SLC1A4: variants seen among roughly 807,000 people sequenced by gnomAD.
SLC1A4 encodes solute carrier family 1 member 4, also known as neutral amino acid transporter A.
Under a neutral mutation model 37.7 loss-of-function variants are expected in SLC1A4, and 19 were observed. That is an observed-to-expected ratio of 0.50 (90% CI 0.35 to 0.74). SLC1A4 has a LOEUF of 0.74. Among genes scored for constraint, SLC1A4 ranks in the 30% least tolerant of loss-of-function variants. The pLI is 0.01. For missense variants in SLC1A4, 570 were observed against 712.9 expected (o/e 0.80, Z 2.28); for synonymous variants, 299 against 309.8 (o/e 0.97, Z 0.37).
intron 4 of SLC1A4, among the ~76,000 whole-genome samples, chr2:65,012,290 C>T (rs1335557640): frequency 6.6e-6 from 1 of 151,788 alleles, no homozygotes; most frequent in Non-Finnish European, 1.5e-5. Flanking sequence ...AGGGTTTCAC[C>T]GTGTTAGCCA....
intron 4 of SLC1A4, 108 bp downstream of exon 4, chr2:65,010,871 G>A (rs1673892567): frequency 1.8e-6 from 2 of 1,116,008 alleles, no homozygotes; most frequent in East Asian, 2.4e-5. Flanking sequence ...GCACAATGCT[G>A]TGTATGTGGT....
Position 64,989,613 on chromosome 2 carries a change from C to T in SLC1A4, c.-31C>T, listed in dbSNP as rs764175712. 6.9e-7 allele frequency: 1 copy of T among 1,454,862 alleles called. No individual in the cohort carries two copies. Among genetic ancestry groups the T allele is most frequent in the African/African-American group, 1.5e-5 (1 of 67,248 alleles). The allele number at this position is 1,454,862 out of a possible 1,614,324, so 90.1% of individuals were successfully genotyped here. ...CTTTTGCCAGAGCCCACGTCCCCTGCCACCTCTAGCTCGGAGCGGCGTGTA... is the reference window on the plus strand; with the variant it reads ...CTTTTGCCAGAGCCCACGTCCCCTGTCACCTCTAGCTCGGAGCGGCGTGTA... On this transcript the variant is annotated 5_prime_UTR_variant, in exon 1 of 8. Transcript: ENST00000234256.
upstream of SLC1A4, among the ~76,000 whole-genome samples, chr2:64,988,850 G>A (rs1028819982): frequency 2.0e-4 from 30 of 149,844 alleles, no homozygotes; most frequent in African/African-American, 4.9e-5. Context: ...GGAGAGGCCG[G>A]CGAGCTCTGG....
At chr2:65,001,585 T>C in intron 2 of SLC1A4, 95 bp downstream of exon 2, 1 of 1,157,304 alleles carries the variant, frequency 8.6e-7, no homozygotes, top group South Asian at 1.4e-5. Context: ...CAGGGAGAGA[T>C]GGTGGTGTTA....
intron 2 of SLC1A4, among the ~76,000 whole-genome samples, chr2:65,002,819 G>A (rs199714133): frequency 1.3e-5 from 2 of 151,694 alleles, no homozygotes; most frequent in Non-Finnish European, 2.9e-5. Context: ...CTTGTGATCC[G>A]CCCGCCTCGG....
In SLC1A4 at chr2:65,018,396, G is replaced by A. The variant is rs1674253732; in HGVS notation, c.1229+131G>A. On this transcript the variant is annotated intron_variant, in intron 6 of 7. Coordinates refer to ENST00000234256, the MANE Select transcript of SLC1A4 (RefSeq NM_003038.5). The surrounding 1 kb of genome is among the most constrained non-coding windows in gnomAD (Gnocchi z 4.3). ...ACAGTGGGGATTCATTACTTGAAGA[G>A]CGTGTGTTGACTCTCAAGGGCGTAG... 7.3e-7 allele frequency: 1 copy of A among 1,375,946 alleles called. No homozygotes were observed. The highest frequency in any genetic ancestry group is 9.9e-7 in the Non-Finnish European group (1 of 1,007,690). 85.2% of individuals were successfully genotyped at this position (1,375,946 alleles called of 1,614,324 possible).
intron 2 of SLC1A4, 55 bp downstream of exon 2, chr2:65,001,545 A>T (rs1483526588): frequency 1.3e-6 from 2 of 1,495,848 alleles, no homozygotes; most frequent in African/African-American, 2.8e-5. Flanking sequence ...AAATGTACCA[A>T]TTACTGCTAT....
At chr2:65,004,304 G>A (rs1404920522) in intron 3 of SLC1A4, among the ~76,000 whole-genome samples, 1 of 152,144 alleles carries the variant, frequency 6.6e-6, no homozygotes, top group East Asian at 1.9e-4. Flanking sequence ...CCAGGCTGGA[G>A]TGCAGTGGTG....
intron 3 of SLC1A4, among the ~76,000 whole-genome samples, chr2:65,004,634 A>G (rs990778948): frequency 2.0e-5 from 3 of 152,058 alleles, no homozygotes; most frequent in Non-Finnish European, 2.9e-5. Context: ...AATGTAATTA[A>G]TAAGTGATTT....
Position 65,010,733 on chromosome 2 carries a change from C to A in SLC1A4, c.770C>A (p.Ala257Glu). ...CGTTTCTTCAATTCCCTCAACGAGG[C>A]GACGATGGTGCTGGTGTCCTGGATT... ...LIRFFNSLNE[A>E]TMVLVSWIMW... The change falls in exon 4 of 8, where the codon GCG becomes GAG. Residue 257 changes from alanine (A) to glutamate (E), a missense_variant. Physicochemically the swap from Ala to Glu is moderately radical, Grantham distance 107. Coordinates refer to ENST00000234256, the MANE Select transcript of SLC1A4 (RefSeq NM_003038.5). 6.2e-7 allele frequency: 1 copy of A among 1,613,850 alleles called. No homozygotes were observed. Among genetic ancestry groups the A allele is most frequent in the Non-Finnish European group, 8.5e-7 (1 of 1,179,882 alleles).
chr2:65,011,141 A>T (rs1158640108), intron 4 of SLC1A4, among the ~76,000 whole-genome samples: 3 of 152,164 alleles, frequency 2.0e-5, no homozygotes, highest in African/African-American at 7.2e-5. Context: ...AATAAGGTTC[A>T]TTTATCTGAA....
chr2:65,007,890 A>C (rs934398016), intron 3 of SLC1A4, among the ~76,000 whole-genome samples: 4 of 152,236 alleles, frequency 2.6e-5, no homozygotes, highest in Non-Finnish European at 5.9e-5. Flanking sequence ...TGTAAAATAT[A>C]GTCACCCTAC....
At position 64,989,704 on chromosome 2, in the gene SLC1A4, G is replaced by A. The variant is rs563360187; in HGVS notation, c.61G>A (p.Gly21Arg). 30 of 1,527,058 alleles carry A rather than the reference G, an allele frequency of 2.0e-5. No individual in the cohort carries two copies. In the South Asian group the frequency reaches 3.4e-4, roughly 17 times the overall value. The allele number at this position is 1,527,058 out of a possible 1,614,324, so 94.6% of individuals were successfully genotyped here. A position where few individuals can be genotyped will look rare whatever the true frequency, so the allele number is the denominator to read the frequency against. Residue 21 changes from glycine to arginine, a missense_variant, in exon 1 of 8, where the codon GGG becomes AGG. Physicochemically the swap from Gly to Arg is moderately radical, Grantham distance 125. Coordinates refer to ENST00000234256, the MANE Select transcript of SLC1A4 (RefSeq NM_003038.5). ...CAGCGCTCAGGCGGGGCCTGCGGCC[G>A]GGCCCGGAGCTCCGGGGACCGCGGC... ...LDSAQAGPAAGPGAPGTAAGR... is the reference protein window; with the variant it reads ...LDSAQAGPAARPGAPGTAAGR...
At chr2:64,999,319 A>T (rs1373115877) in intron 1 of SLC1A4, 3 of 152,178 alleles carry the variant, frequency 2.0e-5, no homozygotes, top group Non-Finnish European at 1.5e-5. Context: ...AATATGCTAA[A>T]AGCAACTCAG....
rs7589132 is a variant in SLC1A4, at chr2:65,020,960, A to G, written c.1413A>G (p.Ala471=). The G allele has an allele frequency of 6.2e-7, 1 of 1,614,096 alleles. No individual in the cohort carries two copies. The highest frequency in any genetic ancestry group is 1.3e-5 in the African/African-American group (1 of 74,936). The change falls in exon 8 of 8, where the codon GCA becomes GCG. Residue 471 remains alanine (A), a synonymous_variant. Transcript: ENST00000234256. ...VVNVEGDALG[A]GILHHLNQKA... is the part of the protein sequence containing the mutation. ...ATGTGGAAGGGGATGCCCTGGGTGC[A>G]GGCATTCTCCACCACCTGAATCAGA...
intron 3 of SLC1A4, among the ~76,000 whole-genome samples, chr2:65,004,745 A>C (rs1332284826): frequency 6.6e-6 from 1 of 152,192 alleles, no homozygotes; most frequent in Non-Finnish European, 1.5e-5. Flanking sequence ...GTAAATATAC[A>C]ACTCTACTAG....
At chr2:65,015,023 C>T (rs985371707) in intron 4 of SLC1A4, among the ~76,000 whole-genome samples, 1 of 152,214 alleles carries the variant, frequency 6.6e-6, no homozygotes, top group Non-Finnish European at 1.5e-5. Flanking sequence ...AATTCTAGCT[C>T]ATGCTCCAAT....
rs1445806471 is a variant in SLC1A4 at position 64,990,040 on chromosome 2, G to A, written c.397G>A (p.Val133Met). 1.2e-6 allele frequency: 2 copies of A among 1,605,406 alleles called. No individual in the cohort carries two copies. Among genetic ancestry groups the A allele is most frequent in the East Asian group, 2.2e-5 (1 of 44,544 alleles). Residue 133 changes from valine (V) to methionine (M), a missense_variant, in exon 1 of 8, where the codon GTG becomes ATG. Val to Met is a conservative substitution (Grantham distance 21). Coordinates refer to ENST00000234256, the MANE Select transcript of SLC1A4 (RefSeq NM_003038.5). ...CACACTGAGTGCCTCGGCGCTCGCC[G>A]TGGCCTTGGCGTTCATCATCAAGCC... The part of the protein sequence containing the change: ...LTTLSASALA[V>M]ALAFIIKPGS...
In SLC1A4 at chr2:65,018,592, G is replaced by A; in HGVS notation, c.1277G>A (p.Gly426Glu). 1.9e-6 allele frequency: 3 copies of A among 1,614,210 alleles called. No homozygotes were observed. The highest frequency in any genetic ancestry group is 1.7e-6 in the Non-Finnish European group (2 of 1,180,030). Residue 426 changes from glycine (G) to glutamate (E), a missense_variant, in exon 7 of 8, where the codon GGA becomes GAA. Coordinates refer to ENST00000234256, the MANE Select transcript of SLC1A4 (RefSeq NM_003038.5). The surrounding 1 kb of genome is among the most constrained non-coding windows in gnomAD (Gnocchi z 4.3). Reference sequence around the variant, plus strand: ...GTTGGAGCAGCAGGCGTGCCAGCTGGAGGGGTCCTCACCATTGCCATTATC... The same window carrying A: ...GTTGGAGCAGCAGGCGTGCCAGCTGAAGGGGTCCTCACCATTGCCATTATC... ...SSVGAAGVPA[G>E]GVLTIAIILE...
Sources: allele counts gnomAD v4.1 joint callset (sites outside exome capture counted in the v4.1 genomes callset), GRCh38; gene constraint gnomAD v4.1.1; non-coding constraint Gnocchi (gnomAD v3.1); transcripts MANE v1.5; gene names NCBI Gene and HGNC (gene_info 2026-07-23, HGNC 2026-07-21).